Variants in SLC25A19 observed in about 807,000 individuals in gnomAD.
SLC25A19 encodes the protein solute carrier family 25 member 19.
Under a neutral mutation model 27.9 loss-of-function variants are expected in SLC25A19, and 18 were observed. That is an observed-to-expected ratio of 0.64 (90% CI 0.45 to 0.96). SLC25A19 has a LOEUF of 0.96. Among genes scored for constraint, SLC25A19 ranks in the 40% least tolerant of loss-of-function variants. The pLI, the probability that SLC25A19 is intolerant of heterozygous loss-of-function variation, is 0.00. For synonymous variants in SLC25A19, 169 were observed against 167.1 expected, an observed-to-expected ratio of 1.01 and a Z score of -0.09; for missense variants, 371 against 418.3, an observed-to-expected ratio of 0.89 and a Z score of 0.99.
intron 7 of SLC25A19, among the ~76,000 whole-genome samples, chr17:75,274,973 C>CT (rs67040059): frequency 0.043 from 2,031 of 47,212 alleles, 509 homozygotes; most frequent in East Asian, 0.11. Flanking sequence ...GGATTTTGGT[C>CT]TTTTTTTTTT....
chr17:75,283,745 A>G lies in SLC25A19; in HGVS notation c.289-152T>C, dbSNP rs540893521. 5.7e-5 allele frequency: 43 copies of G among 749,284 alleles called. No homozygotes were observed. In the East Asian group the frequency reaches 1.0e-3, roughly 17 times the overall value. The allele number at this position is 749,284 out of a possible 1,614,324, so 46.4% of individuals were successfully genotyped here. On this transcript the variant is annotated intron_variant, in intron 4 of 7. Coordinates refer to ENST00000416858, the MANE Select transcript of SLC25A19 (RefSeq NM_001126121.2). ...TGTTCTTCTTGAGCAGTGACAGCATATGATAAATACAACATTCTACGCAAA... is the reference window on the plus strand; with the variant it reads ...TGTTCTTCTTGAGCAGTGACAGCATGTGATAAATACAACATTCTACGCAAA...
chr17:75,277,779 G>A (rs1408953609), intron 6 of SLC25A19, among the ~76,000 whole-genome samples: 1 of 152,082 alleles, frequency 6.6e-6, no homozygotes, highest in Non-Finnish European at 1.5e-5. Context: ...GGGCTGGAGA[G>A]GACCAGGATG....
chr17:75,283,630 A>T (rs1415434861), intron 4 of SLC25A19, 37 bp from the exon 5 acceptor site: 1 of 1,599,760 alleles, frequency 6.3e-7, no homozygotes, highest in Non-Finnish European at 8.5e-7. Flanking sequence ...GACAGCCCAA[A>T]GGATGAGGGT....
intron 5 of SLC25A19, 33 bp from the exon 6 acceptor site, chr17:75,278,368 G>A: frequency 6.2e-7 from 1 of 1,613,310 alleles, no homozygotes; most frequent in African/African-American, 1.3e-5. Context: ...AATGAGCTCA[G>A]TGAAGTGGTT....
At chr17:75,283,334 T>C in intron 5 of SLC25A19, 89 bp downstream of exon 5, 1 of 1,316,188 alleles carries the variant, frequency 7.6e-7, no homozygotes, top group Non-Finnish European at 1.0e-6. Flanking sequence ...CAAAAATAAA[T>C]AAATAAATAA....
At chr17:75,287,556 T>G (rs1384454351) in intron 2 of SLC25A19, 1 of 152,202 alleles carries the variant, frequency 6.6e-6, no homozygotes, top group South Asian at 2.1e-4. Context: ...TTAATAATAT[T>G]TGAGAATCGA....
chr17:75,273,211 C>T lies in SLC25A19; in HGVS notation c.*240G>A. On this transcript the variant is annotated 3_prime_UTR_variant, in exon 8 of 8. Transcript: ENST00000416858. ...CTGGTCAGAGGAGAAACAGCAACTT[C>T]CTGCTCCTTCTCACTGTGTCGTTGG... The T allele has an allele frequency of 3.7e-6, 2 of 547,582 alleles. No homozygotes were observed. Among genetic ancestry groups the T allele is most frequent in the Non-Finnish European group, 6.6e-6 (2 of 303,912 alleles). 33.9% of individuals were successfully genotyped at this position (547,582 alleles called of 1,614,324 possible). A position where few individuals can be genotyped will look rare whatever the true frequency, so the allele number is the denominator to read the frequency against.
intron 7 of SLC25A19, among the ~76,000 whole-genome samples, chr17:75,274,973 C>CTTTTTTTTTTTT: frequency 2.1e-5 from 1 of 47,196 alleles, no homozygotes; most frequent in Non-Finnish European, 3.7e-5. Flanking sequence ...GGATTTTGGT[C>CTTTTTTTTTTTT]TTTTTTTTTT....
chr17:75,280,053 G>C (rs1403705006), intron 5 of SLC25A19, among the ~76,000 whole-genome samples: 1 of 152,094 alleles, frequency 6.6e-6, no homozygotes, highest in Non-Finnish European at 1.5e-5. Context: ...TCCTAAAGCA[G>C]AGTTGAGACA....
At position 75,278,284 on chromosome 17, in the gene SLC25A19, G is replaced by A; in HGVS notation, c.511C>T (p.Pro171Ser). The A allele has an allele frequency of 6.2e-7, 1 of 1,614,056 alleles. No individual in the cohort carries two copies. Among genetic ancestry groups the A allele is most frequent in the Non-Finnish European group, 8.5e-7 (1 of 1,180,022 alleles). The change falls in exon 6 of 8, where the codon CCC becomes TCC. Residue 171 changes from proline (P) to serine (S), a missense_variant. Transcript: ENST00000416858. The stretch of plus-strand genomic sequence containing the variant: ...GCCAAGCCTTTGTAGAAAACCTGGG[G>A]GCCTTCGCTCCTATACATGGTCCCC... ...AVGTMYRSEG[P>S]QVFYKGLAPT... is the part of the protein sequence containing the mutation.
chr17:75,277,332 GC>G lies in SLC25A19; in HGVS notation c.774+20del. On this transcript the variant is annotated intron_variant, in intron 7 of 7. Transcript: ENST00000416858. The stretch of plus-strand genomic sequence containing the variant: ...GTGATGGCAAGGGTCAGAGCTGTCT[GC>G]CTGGGAGTGAACGGCTCACCTGGCC... 6.2e-7 allele frequency: 1 copy of G among 1,611,910 alleles called. No homozygotes were observed.
At position 75,272,998 on chromosome 17, in the gene SLC25A19, T is replaced by C. The variant is rs1280747812; in HGVS notation, c.*453A>G. ...GATGGAGTAAGATAAGGAATGTGTG[T>C]TTAGCTTTAATGTCTATTAAATAGG... On this transcript the variant is annotated 3_prime_UTR_variant, in exon 8 of 8. Transcript: ENST00000416858. 5 of 331,670 alleles carry C rather than the reference T, an allele frequency of 1.5e-5. No individual in the cohort carries two copies. Among genetic ancestry groups the C allele is most frequent in the Non-Finnish European group, 2.4e-5 (4 of 168,030 alleles). 20.5% of individuals were successfully genotyped at this position (331,670 alleles called of 1,614,324 possible). A position where few individuals can be genotyped will look rare whatever the true frequency, so the allele number is the denominator to read the frequency against.
chr17:75,273,976 G>T, intron 7 of SLC25A19: 1 of 339,818 alleles, frequency 2.9e-6, no homozygotes. Flanking sequence ...TGGCCAGGCT[G>T]GTCTTGAACT....
At chr17:75,282,798 C>T (rs1027221960) in intron 5 of SLC25A19, among the ~76,000 whole-genome samples, 29 of 151,004 alleles carry the variant, frequency 1.9e-4, no homozygotes, top group Admixed American at 1.7e-3. Context: ...CTTGCAGTAG[C>T]CGAGACTGTG....
chr17:75,281,306 G>A (rs761102523), intron 5 of SLC25A19, among the ~76,000 whole-genome samples: 9 of 152,156 alleles, frequency 5.9e-5, no homozygotes, highest in Non-Finnish European at 1.0e-4. Flanking sequence ...TCATGGTGGG[G>A]AGGTCTATTT....
chr17:75,277,246 A>G lies in SLC25A19; in HGVS notation c.774+107T>C. ...AGGAATGGACGCAGGTGAAGGGGCCATGGCCAGGGGTGATGTTGCCCAATG... is the reference window on the plus strand; with the variant it reads ...AGGAATGGACGCAGGTGAAGGGGCCGTGGCCAGGGGTGATGTTGCCCAATG... On this transcript the variant is annotated intron_variant, in intron 7 of 7. Coordinates refer to ENST00000416858, the MANE Select transcript of SLC25A19 (RefSeq NM_001126121.2). The G allele has an allele frequency of 2.1e-6, 3 of 1,448,150 alleles. No homozygotes were observed. The South Asian group carries it at 3.7e-5, about 18-fold the overall frequency. The allele number at this position is 1,448,150 out of a possible 1,614,324, so 89.7% of individuals were successfully genotyped here.
At position 75,273,158 on chromosome 17, in the gene SLC25A19, A is replaced by G. The variant is rs563237505; in HGVS notation, c.*293T>C. On this transcript the variant is annotated 3_prime_UTR_variant, in exon 8 of 8. Transcript: ENST00000416858. ...GGCAGGCAGGGCTGATAGGTGTAGGATGGCGTCTGTTTCCTTTGGAGTGTG... is the reference window on the plus strand; with the variant it reads ...GGCAGGCAGGGCTGATAGGTGTAGGGTGGCGTCTGTTTCCTTTGGAGTGTG... 2.9e-5 allele frequency: 13 copies of G among 447,290 alleles called. No homozygotes were observed. The highest frequency in any genetic ancestry group is 2.6e-4 in the African/African-American group (13 of 50,310). 27.7% of individuals were successfully genotyped at this position (447,290 alleles called of 1,614,324 possible).
intron 5 of SLC25A19, among the ~76,000 whole-genome samples, chr17:75,282,578 G>A (rs1198588644): frequency 6.8e-6 from 1 of 146,830 alleles, no homozygotes; most frequent in Non-Finnish European, 1.5e-5. Flanking sequence ...AAAATAGGTC[G>A]GGCACGGTGG....
At chr17:75,274,311 G>A (rs1200617166) in intron 7 of SLC25A19, among the ~76,000 whole-genome samples, 1 of 151,930 alleles carries the variant, frequency 6.6e-6, no homozygotes, top group East Asian at 1.9e-4. Flanking sequence ...CTCTCAGCCG[G>A]GCCTCCCTGC....
Sources: gnomAD v4.1 joint callset for allele counts (sites outside exome capture counted in the v4.1 genomes callset) on GRCh38, gnomAD v4.1.1 for gene constraint, MANE v1.5 for transcripts, NCBI Gene and HGNC (gene_info 2026-07-23, HGNC 2026-07-21) for gene names.